ESR1: variants seen among roughly 807,000 people sequenced by gnomAD.
ESR1 encodes the protein estrogen receptor 1, also known as estrogen receptor.
ESR1 carries 12 observed loss-of-function variants against 52.7 expected under a neutral mutation model. The observed-to-expected ratio is 0.23, with a 90% CI of 0.15 to 0.37. The LOEUF (loss-of-function observed/expected upper bound fraction) is 0.37, where lower values mean the gene tolerates loss of function less well. Among genes scored for constraint, ESR1 ranks in the 10% least tolerant of loss-of-function variants. The pLI is 1.00. For synonymous variants in ESR1, 305 were observed against 316.8 expected (o/e 0.96, Z 0.39); for missense variants, 584 against 779.7 (o/e 0.75, Z 2.99).
chr6:151,689,348 T>G, upstream of ESR1, among the ~76,000 whole-genome samples: 1 of 152,170 alleles, frequency 6.6e-6, no homozygotes, highest in East Asian at 1.9e-4. Context: ...CCACAATGCG[T>G]TAGTATACAT....
At chr6:151,988,561 G>C (rs1309168908) in intron 4 of ESR1, among the ~76,000 whole-genome samples, 1 of 152,008 alleles carries the variant, frequency 6.6e-6, no homozygotes, top group Non-Finnish European at 1.5e-5. Flanking sequence ...CACACACTGG[G>C]GCCTTTCGGA....
At chr6:151,720,995 A>C (rs933515591) in intron 2 of ESR1, among the ~76,000 whole-genome samples, 2 of 152,252 alleles carry the variant, frequency 1.3e-5, no homozygotes, top group Non-Finnish European at 2.9e-5. Context: ...TCAACACAAC[A>C]TATCTCCTAG....
intron 2 of ESR1, among the ~76,000 whole-genome samples, chr6:151,874,476 A>G (rs183691507): frequency 6.6e-6 from 1 of 152,358 alleles, no homozygotes; most frequent in East Asian, 1.9e-4. Flanking sequence ...GACTCCATAA[A>G]GTTAGGAAGT....
At chr6:151,950,226 T>A (rs2036181434) in intron 4 of ESR1, among the ~76,000 whole-genome samples, 1 of 152,138 alleles carries the variant, frequency 6.6e-6, no homozygotes, top group Non-Finnish European at 1.5e-5. Flanking sequence ...GGATGTGTCT[T>A]TATGAGCAGT....
At chr6:151,813,016 A>G (rs960209090) in intron 1 of ESR1, among the ~76,000 whole-genome samples, 1 of 152,148 alleles carries the variant, frequency 6.6e-6, no homozygotes, top group Non-Finnish European at 1.5e-5. Context: ...CGTCTCTAAA[A>G]TATACTCATA....
intron 3 of ESR1, among the ~76,000 whole-genome samples, chr6:151,937,825 T>A (rs924506783): frequency 6.6e-6 from 1 of 152,200 alleles, no homozygotes; most frequent in Admixed American, 6.5e-5. Flanking sequence ...TAGACCTCGA[T>A]TGTAACCTCT....
chr6:152,009,470 G>A (rs1163316530), intron 4 of ESR1, among the ~76,000 whole-genome samples: 3 of 152,080 alleles, frequency 2.0e-5, no homozygotes, highest in Non-Finnish European at 4.4e-5. Flanking sequence ...CACATGAAAA[G>A]ATGTGCAACC....
chr6:151,994,737 CA>C (rs2041324930), intron 4 of ESR1, among the ~76,000 whole-genome samples: 1 of 152,084 alleles, frequency 6.6e-6, no homozygotes. Flanking sequence ...TGCATTCTAG[CA>C]AACTACCAGC....
At chr6:151,974,100 T>A (rs987941796) in intron 4 of ESR1, among the ~76,000 whole-genome samples, 1 of 152,198 alleles carries the variant, frequency 6.6e-6, no homozygotes, top group Non-Finnish European at 1.5e-5. Flanking sequence ...CTGTGGTTTT[T>A]CAACCCCTGA....
intron 6 of ESR1, among the ~76,000 whole-genome samples, chr6:152,108,598 G>A (rs1242013761): frequency 6.6e-6 from 1 of 152,112 alleles, no homozygotes; most frequent in Non-Finnish European, 1.5e-5. Context: ...GAACACCAAG[G>A]AGCAGACTTG....
intron 3 of ESR1, among the ~76,000 whole-genome samples, chr6:151,907,230 C>A (rs1177720237): frequency 6.6e-6 from 1 of 152,000 alleles, no homozygotes; most frequent in Non-Finnish European, 1.5e-5. Flanking sequence ...CTTTTGCTTT[C>A]AAATGAGTTT....
intron 2 of ESR1, among the ~76,000 whole-genome samples, chr6:151,751,775 A>G (rs905999173): frequency 6.6e-6 from 1 of 152,202 alleles, no homozygotes; most frequent in African/African-American, 2.4e-5. Context: ...TTCCAAAACT[A>G]TAATGTACCA....
At position 151,914,715 on chromosome 6, in the gene ESR1, T is replaced by A. The variant is rs77642088; in HGVS notation, c.761-29458T>A. On this transcript the variant is annotated intron_variant, in intron 3 of 7. Transcript: ENST00000206249. The stretch of plus-strand genomic sequence containing the variant: ...GTCATTGTTACCTCCCTGAGCTGTT[T>A]GTTTATAAAATGGGGGTAAATATCT... 2.6e-5 allele frequency among the ~76,000 whole-genome samples: 4 copies of A among 152,310 alleles called. No homozygotes were observed. The East Asian group carries it at 7.7e-4, about 29-fold the overall frequency.
intron 1 of ESR1, among the ~76,000 whole-genome samples, chr6:151,691,958 T>A (rs1778979154): frequency 6.6e-6 from 1 of 152,178 alleles, no homozygotes; most frequent in African/African-American, 2.4e-5. Flanking sequence ...AATGTCAGAT[T>A]TTCAAGGAAA....
At chr6:152,113,066 C>T (rs2051165297) in intron 6 of ESR1, 1 of 3,604 alleles carries the variant, frequency 2.8e-4, no homozygotes, top group Admixed American at 4.5e-3. Context: ...GAAAGAAGCG[C>T]AAAAGGCCGG....
At chr6:151,795,839 T>C (rs1371747870) in intron 2 of ESR1, among the ~76,000 whole-genome samples, 1 of 152,184 alleles carries the variant, frequency 6.6e-6, no homozygotes, top group East Asian at 1.9e-4. Context: ...CATGGAATAC[T>C]ATGCAGTCAT....
At chr6:151,679,244 A>G (rs1173986620) in intron 1 of ESR1, among the ~76,000 whole-genome samples, 1 of 152,184 alleles carries the variant, frequency 6.6e-6, no homozygotes, top group Non-Finnish European at 1.5e-5. Flanking sequence ...GCAATGCCTC[A>G]GAGCCAACTC....
intron 3 of ESR1, among the ~76,000 whole-genome samples, chr6:151,939,282 GC>G: frequency 6.6e-6 from 1 of 152,226 alleles, no homozygotes; most frequent in African/African-American, 2.4e-5. Flanking sequence ...TGCTTTATGA[GC>G]TGGTAGTTTG....
At position 151,944,183 on chromosome 6, in the gene ESR1, A is replaced by G. The variant is rs2128525990; in HGVS notation, c.771A>G (p.Lys257=). ...CACCTGTGTTTTCAGGGATACGAAA[A>G]GACCGAAGAGGAGGGAGAATGTTGA... ...EVGMMKGGIR[K]DRRGGRMLKH... The change falls in exon 4 of 8, where the codon AAA becomes AAG. Residue 257 remains lysine (K), a synonymous_variant. Coordinates refer to ENST00000206249, the MANE Select transcript of ESR1 (RefSeq NM_000125.4). The G allele has an allele frequency of 6.2e-7, 1 of 1,613,984 alleles. No individual in the cohort carries two copies. The highest frequency in any genetic ancestry group is 8.5e-7 in the Non-Finnish European group (1 of 1,179,984).
Sources: gnomAD v4.1 joint callset for allele counts (sites outside exome capture counted in the v4.1 genomes callset) on GRCh38, gnomAD v4.1.1 for gene constraint, MANE v1.5 for transcripts, NCBI Gene and HGNC (gene_info 2026-07-23, HGNC 2026-07-21) for gene names.